Variants in FAM169A observed in about 807,000 individuals in gnomAD.
FAM169A encodes soluble lamin-associated protein of 75 kDa.
In FAM169A, 24 loss-of-function variants were observed where a neutral mutation model predicts 75.7. The ratio of observed to expected loss-of-function variants is 0.32; its 90% CI spans 0.23 to 0.45. FAM169A has a LOEUF of 0.45. Ranked by LOEUF, FAM169A falls within the 20% of genes least tolerant of loss-of-function variation. The pLI, the probability that FAM169A is intolerant of heterozygous loss-of-function variation, is 1.00. For synonymous variants in FAM169A, 271 were observed against 271.0 expected (o/e 1.00, Z 0.00); for missense variants, 673 against 784.0 (o/e 0.86, Z 1.69).
At chr5:74,840,343 T>C (rs765359946) in intron 2 of FAM169A, among the ~76,000 whole-genome samples, 170 bp from the exon 3 acceptor site, 3 of 152,106 alleles carry the variant, frequency 2.0e-5, no homozygotes, top group Non-Finnish European at 4.4e-5. Flanking sequence ...GACTTCCCTT[T>C]TGGAATAATT....
At position 74,866,372 on chromosome 5, in the gene FAM169A, G is replaced by T; in HGVS notation, c.-211C>A. On this transcript the variant is annotated 5_prime_UTR_variant, in exon 1 of 13. Coordinates refer to ENST00000687041, the MANE Select transcript of FAM169A (RefSeq NM_001376049.1). ...TCGGCCGCGGCCCACCGTGCCCTCC[G>T]ACGACGTGACGCACTAGCGCCGCAG... The T allele has an allele frequency of 1.0e-6, 1 of 984,338 alleles. No individual in the cohort carries two copies. Among genetic ancestry groups the T allele is most frequent in the South Asian group, 4.7e-5 (1 of 21,280 alleles). The allele number at this position is 984,338 out of a possible 1,614,324, so 61.0% of individuals were successfully genotyped here.
rs1338965964 is a variant in FAM169A, at chr5:74,834,486, A to T, written c.430T>A (p.Tyr144Asn). ...CCTTTCTTCCACAGAATCTTAGCAT[A>T]ATCAGTACTGCTATGACACAGGAAT... is the stretch of plus-strand genomic sequence containing the variant. The part of the protein sequence containing the change: ...IPFLCHSSTD[Y>N]AKILWKKGEA... The change falls in exon 5 of 13, where the codon TAT (tyrosine) becomes AAT (asparagine). Residue 144 changes from tyrosine to asparagine, a missense_variant. Around this residue, in one of 3 missense-constraint regions of FAM169A, gnomAD observed 107 missense variants for 180.8 expected, o/e 0.59. Coordinates refer to ENST00000687041, the MANE Select transcript of FAM169A (RefSeq NM_001376049.1). The T allele has an allele frequency of 1.9e-6, 3 of 1,594,766 alleles. No homozygotes were observed. Among genetic ancestry groups the T allele is most frequent in the Non-Finnish European group, 2.6e-6 (3 of 1,170,206 alleles).
At chr5:74,836,805 G>A (rs1748591866) in intron 4 of FAM169A, among the ~76,000 whole-genome samples, 2 of 152,028 alleles carry the variant, frequency 1.3e-5, no homozygotes, top group Non-Finnish European at 2.9e-5. Context: ...AAAATTAGCT[G>A]GGCAAGGTGG....
intron 10 of FAM169A, chr5:74,799,687 G>A: frequency 7.9e-7 from 1 of 1,264,936 alleles, no homozygotes; most frequent in Non-Finnish European, 1.2e-6. Context: ...GTCTGCTGCT[G>A]ATGCCTCAAA....
chr5:74,815,542 C>A (rs1295042999), intron 5 of FAM169A, among the ~76,000 whole-genome samples: 1 of 152,148 alleles, frequency 6.6e-6, no homozygotes, highest in Non-Finnish European at 1.5e-5. Flanking sequence ...GTCTAGATTT[C>A]TTGTACAAAT....
At chr5:74,814,905 T>C (rs1747390318) in intron 5 of FAM169A, among the ~76,000 whole-genome samples, 1 of 152,226 alleles carries the variant, frequency 6.6e-6, no homozygotes, top group South Asian at 2.1e-4. Flanking sequence ...AATAAAATAA[T>C]CTTTTATTCT....
At chr5:74,860,740 CTCT>C (rs746370404) in intron 1 of FAM169A, among the ~76,000 whole-genome samples, 4 of 150,940 alleles carry the variant, frequency 2.7e-5, no homozygotes, top group Non-Finnish European at 2.9e-5. Flanking sequence ...CTTCTTCTCT[CTCT>C]TCTTCTTAGT....
intron 3 of FAM169A, among the ~76,000 whole-genome samples, chr5:74,839,368 G>A (rs924460976): frequency 1.3e-5 from 2 of 151,960 alleles, no homozygotes; most frequent in South Asian, 4.2e-4. Context: ...AAGATCTGAT[G>A]GTTTCATAAT....
intron 5 of FAM169A, among the ~76,000 whole-genome samples, chr5:74,817,168 TC>T (rs1747512137): frequency 6.6e-6 from 1 of 151,988 alleles, no homozygotes; most frequent in Admixed American, 6.6e-5. Flanking sequence ...CCACTTGCAT[TC>T]GACATTGTAC....
intron 1 of FAM169A, among the ~76,000 whole-genome samples, chr5:74,857,896 C>A (rs1367767956): frequency 6.6e-6 from 1 of 152,062 alleles, no homozygotes; most frequent in East Asian, 1.9e-4. Context: ...AGCCAGTATG[C>A]CATTTTTTCC....
intron 5 of FAM169A, among the ~76,000 whole-genome samples, chr5:74,824,402 C>T (rs75347940): frequency 0.025 from 3,789 of 152,244 alleles, 88 homozygotes; most frequent in Middle Eastern, 0.095. Flanking sequence ...ACAAAACTTC[C>T]ACTGAATTAA....
At chr5:74,791,668 TATTAC>T (rs1406782720) in intron 11 of FAM169A, among the ~76,000 whole-genome samples, 2 of 152,154 alleles carry the variant, frequency 1.3e-5, no homozygotes, top group Non-Finnish European at 2.9e-5. Flanking sequence ...TGTCTCTTAG[TATTAC>T]GATGCCCTGT....
chr5:74,819,634 T>C (rs1198798861), intron 5 of FAM169A, among the ~76,000 whole-genome samples: 1 of 152,086 alleles, frequency 6.6e-6, no homozygotes, highest in East Asian at 1.9e-4. Flanking sequence ...ATAGCAACAA[T>C]GACAAAAAAC....
intron 11 of FAM169A, among the ~76,000 whole-genome samples, chr5:74,789,233 C>T (rs933617133): frequency 3.3e-5 from 5 of 152,352 alleles, no homozygotes; most frequent in African/African-American, 9.6e-5. Context: ...CAAGAAGTAG[C>T]AAACACACTG....
At chr5:74,805,384 G>T in intron 6 of FAM169A, 100 bp from the exon 7 acceptor site, 1 of 1,015,358 alleles carries the variant, frequency 9.8e-7, no homozygotes, top group Non-Finnish European at 1.4e-6. Context: ...AACGGGGCTA[G>T]CATAACCTTG....
At chr5:74,808,969 C>T (rs1747029465) in intron 6 of FAM169A, among the ~76,000 whole-genome samples, 1 of 152,038 alleles carries the variant, frequency 6.6e-6, no homozygotes, top group Admixed American at 6.6e-5. Flanking sequence ...GAAAATATTT[C>T]TCATATGTTC....
chr5:74,866,296 C>A lies in FAM169A; in HGVS notation c.-135G>T. ...GCCGCACAGCTCGCGGCTGCCAGGG[C>A]GAGTGCGGCTGCCTCCCGCTCGCCC... On this transcript the variant is annotated 5_prime_UTR_variant, in exon 1 of 13. Transcript: ENST00000687041. The A allele has an allele frequency of 1.0e-6, 1 of 984,082 alleles. No individual in the cohort carries two copies. The highest frequency in any genetic ancestry group is 4.7e-5 in the South Asian group (1 of 21,290). The allele number at this position is 984,082 out of a possible 1,614,324, so 61.0% of individuals were successfully genotyped here.
chr5:74,781,817 G>C lies in FAM169A; in HGVS notation c.1656C>G (p.Ser552=). The stretch of plus-strand genomic sequence containing the variant: ...ACAAATTCTCAGAGACCGGTTCTTC[G>C]GAAAATTCAGCTATCACAGAGTTTG... ...GFPNSVIAEF[S]EEPVSENLSP... is the part of the protein sequence containing the mutation. The change falls in exon 13 of 13, where the codon TCC becomes TCG. Residue 552 remains serine, a synonymous_variant. Coordinates refer to ENST00000687041, the MANE Select transcript of FAM169A (RefSeq NM_001376049.1). 1.2e-6 allele frequency: 2 copies of C among 1,614,002 alleles called. No individual in the cohort carries two copies. Among genetic ancestry groups the C allele is most frequent in the African/African-American group, 2.7e-5 (2 of 75,024 alleles).
In FAM169A at chr5:74,836,872, C is replaced by T. The variant is rs185873468; in HGVS notation, c.318+2093G>A. Among the ~76,000 whole-genome samples, 269 of 151,908 alleles carry T rather than the reference C, an allele frequency of 1.8e-3. 4 individuals carry two copies. Among genetic ancestry groups the T allele is most frequent in the East Asian group, 0.016 (80 of 5,142 alleles). On this transcript the variant is annotated intron_variant, in intron 4 of 12. Coordinates refer to ENST00000687041, the MANE Select transcript of FAM169A (RefSeq NM_001376049.1). ...CTAAGGCAGGAGAATTGCTTGAACC[C>T]GGGAGGCAGAGGTTGCAGTGAGCCG...
Sources: allele counts gnomAD v4.1 joint callset (sites outside exome capture counted in the v4.1 genomes callset), GRCh38; gene constraint gnomAD v4.1.1; regional missense constraint gnomAD v4.1.1; transcripts MANE v1.5; gene names NCBI Gene and HGNC (gene_info 2026-07-23, HGNC 2026-07-21).